The following ZNF76 variants were observed in gnomAD, a reference collection of about 807,000 sequenced individuals.
ZNF76 encodes zinc finger protein 76, also known as zinc finger protein 523.
In ZNF76, 66 loss-of-function variants were observed where a neutral mutation model predicts 66.9. The observed-to-expected ratio is 0.99, with a 90% confidence interval of 0.81 to 1.21. The LOEUF (loss-of-function observed/expected upper bound fraction) is 1.21. ZNF76 is among the 50% of genes most tolerant of loss of function. The pLI, the probability that ZNF76 is intolerant of heterozygous loss-of-function variation, is 0.00. For missense variants in ZNF76, 729 were observed against 760.3 expected (o/e 0.96, Z 0.48); for synonymous variants, 275 against 296.1 (o/e 0.93, Z 0.73).
At chr6:35,290,107 C>T (rs1790143835) in intron 5 of ZNF76, 159 bp from the exon 6 acceptor site, 1 of 938,110 alleles carries the variant, frequency 1.1e-6, no homozygotes, top group Non-Finnish European at 1.6e-6. Flanking sequence ...TAGCATGCCC[C>T]AGCATCTGTT....
chr6:35,262,154 G>C (rs1054696966), intron 1 of ZNF76, among the ~76,000 whole-genome samples: 1 of 152,060 alleles, frequency 6.6e-6, no homozygotes, highest in African/African-American at 2.4e-5. Flanking sequence ...AATAAACTGG[G>C]AGAAACTTAG....
In ZNF76 at chr6:35,290,838, G is replaced by C. The variant is rs966535186; in HGVS notation, c.625+122G>C. The C allele has an allele frequency of 5.5e-6, 5 of 914,612 alleles. No homozygotes were observed. The African/African-American group carries it at 8.3e-5, about 15-fold the overall frequency. The allele number at this position is 914,612 out of a possible 1,614,324, so 56.7% of individuals were successfully genotyped here. On this transcript the variant is annotated intron_variant, in intron 7 of 13. Transcript: ENST00000373953. ...GGAGAAACTACCGTCAGAGTACTCT[G>C]ACTTGCAGGGTGCTCTCTCTGGAGG...
At chr6:35,289,519 G>C (rs1413874259) in intron 5 of ZNF76, among the ~76,000 whole-genome samples, 1 of 152,178 alleles carries the variant, frequency 6.6e-6, no homozygotes, top group African/African-American at 2.4e-5. Context: ...AAGCATTCTA[G>C]AAAGAAAGAC....
chr6:35,283,542 A>G (rs535749364), intron 2 of ZNF76, among the ~76,000 whole-genome samples: 1 of 152,348 alleles, frequency 6.6e-6, no homozygotes, highest in South Asian at 2.1e-4. Flanking sequence ...ACTGGGGCGT[A>G]TGGTCACCTC....
chr6:35,283,305 G>A lies in ZNF76; in HGVS notation c.73+2081G>A, dbSNP rs559967676. Among the ~76,000 whole-genome samples the A allele has an allele frequency of 5.3e-5, 8 of 152,210 alleles. No individual in the cohort carries two copies. In the South Asian group the frequency reaches 1.0e-3, roughly 20 times the overall value. On this transcript the variant is annotated intron_variant, in intron 2 of 13. Transcript: ENST00000373953. The stretch of plus-strand genomic sequence containing the variant: ...CACAACAGATTTTCCCTCTGCTCAG[G>A]GTAGAGCTCTCCTTCAGAGACCAGA...
chr6:35,273,202 C>T (rs1381407349), intron 1 of ZNF76, among the ~76,000 whole-genome samples: 1 of 151,324 alleles, frequency 6.6e-6, no homozygotes, highest in African/African-American at 2.4e-5. Flanking sequence ...GAGTCTCACT[C>T]TGTTGCCCAG....
rs763907756 is a variant in ZNF76 at position 35,292,837 on chromosome 6, A to G, written c.1166-44A>G. Reference sequence around the variant, plus strand: ...GAGTGGGGACAAGCCAGGCCTCCCCATGGCATCTGGTAGCAGATGTCAGCC... The same window carrying G: ...GAGTGGGGACAAGCCAGGCCTCCCCGTGGCATCTGGTAGCAGATGTCAGCC... On this transcript the variant is annotated intron_variant, in intron 10 of 13. Coordinates refer to ENST00000373953, the MANE Select transcript of ZNF76 (RefSeq NM_003427.5). This position sits in a 1 kb window ranked among gnomAD's most constrained non-coding sequence, Gnocchi z 4.7. 2.5e-6 allele frequency: 4 copies of G among 1,613,688 alleles called. No homozygotes were observed. Among genetic ancestry groups the G allele is most frequent in the South Asian group, 1.1e-5 (1 of 91,066 alleles).
intron 1 of ZNF76, among the ~76,000 whole-genome samples, chr6:35,260,169 T>C (rs1424808726): frequency 6.6e-6 from 1 of 152,140 alleles, no homozygotes; most frequent in Non-Finnish European, 1.5e-5. Context: ...CCCAGGAATT[T>C]CCCCAGCACT....
chr6:35,267,406 A>G (rs1786311744), intron 1 of ZNF76, among the ~76,000 whole-genome samples: 1 of 152,168 alleles, frequency 6.6e-6, no homozygotes, highest in Admixed American at 6.5e-5. Context: ...CAAAATGACC[A>G]CTTTAGACTA....
chr6:35,283,300 C>G (rs2150363140), intron 2 of ZNF76, among the ~76,000 whole-genome samples: 1 of 152,358 alleles, frequency 6.6e-6, no homozygotes, highest in African/African-American at 2.4e-5. Context: ...TTTCCCTCTG[C>G]TCAGGGTAGA....
chr6:35,263,024 C>G (rs1395944909), intron 1 of ZNF76, among the ~76,000 whole-genome samples: 1 of 152,206 alleles, frequency 6.6e-6, no homozygotes, highest in Admixed American at 6.6e-5. Context: ...CATCTCAGGT[C>G]TGCTCCTTTC....
intron 5 of ZNF76, among the ~76,000 whole-genome samples, chr6:35,288,615 A>G (rs1016449824): frequency 6.6e-6 from 1 of 152,236 alleles, no homozygotes; most frequent in Non-Finnish European, 1.5e-5. Context: ...TAATGAAACC[A>G]GTGTGACTGA....
chr6:35,284,868 A>C (rs1433959755), intron 2 of ZNF76, among the ~76,000 whole-genome samples: 1 of 151,256 alleles, frequency 6.6e-6, no homozygotes, highest in African/African-American at 2.4e-5. Flanking sequence ...GCACTACTAC[A>C]TCCAGTTAAT....
chr6:35,291,542 CCCA>C lies in ZNF76; in HGVS notation c.752-12_752-10del, dbSNP rs1790380215. ...CTCTTTCCCACACCCCTCCTCACAT[CCCA>C]CCATTTGCATAGGTGAACGCCCGTT... On this transcript the variant is annotated splice_polypyrimidine_tract_variant and intron_variant, in intron 8 of 13. Coordinates refer to ENST00000373953, the MANE Select transcript of ZNF76 (RefSeq NM_003427.5). 1 of 1,609,714 alleles carries C rather than the reference CCCA, an allele frequency of 6.2e-7. No individual in the cohort carries two copies. The highest frequency in any genetic ancestry group is 8.5e-7 in the Non-Finnish European group (1 of 1,176,296).
intron 12 of ZNF76, 46 bp from the exon 13 acceptor site, chr6:35,294,410 G>A (rs966303259): frequency 1.6e-6 from 2 of 1,269,242 alleles, no homozygotes; most frequent in Non-Finnish European, 2.3e-6. Flanking sequence ...TGTGGGGAGG[G>A]AGAGTATACT....
rs185585187 is a variant in ZNF76, at chr6:35,273,943, G to T, written c.-96-7113G>T. On this transcript the variant is annotated intron_variant, in intron 1 of 13. Coordinates refer to ENST00000373953, the MANE Select transcript of ZNF76 (RefSeq NM_003427.5). ...CTGTTTAAAACTTATGTTAGTGCAAGTTTGTGTTACTAATTTCCTGTTTTC... is the reference window on the plus strand; with the variant it reads ...CTGTTTAAAACTTATGTTAGTGCAATTTTGTGTTACTAATTTCCTGTTTTC... Among the ~76,000 whole-genome samples the T allele has an allele frequency of 2.0e-5, 3 of 152,300 alleles. No individual in the cohort carries two copies. The East Asian group carries it at 5.8e-4, about 29-fold the overall frequency.
intron 9 of ZNF76, 107 bp downstream of exon 9, chr6:35,291,844 T>C: frequency 7.3e-7 from 1 of 1,364,020 alleles, no homozygotes; most frequent in Non-Finnish European, 1.0e-6. Context: ...AACCCTTCTG[T>C]GCCAGCCATT....
Position 35,292,114 on chromosome 6 carries a change from C to T in ZNF76, c.931+377C>T. 1 of 415,192 alleles carries T rather than the reference C, an allele frequency of 2.4e-6. No homozygotes were observed. Among genetic ancestry groups the T allele is most frequent in the South Asian group, 2.5e-5 (1 of 40,560 alleles). The allele number at this position is 415,192 out of a possible 1,614,324, so 25.7% of individuals were successfully genotyped here. On this transcript the variant is annotated intron_variant, in intron 9 of 13. Coordinates refer to ENST00000373953, the MANE Select transcript of ZNF76 (RefSeq NM_003427.5). The surrounding 1 kb of genome is among the most constrained non-coding windows in gnomAD (Gnocchi z 4.7). ...CTCACCTTATCCGCCGTCCATGACT[C>T]CTGTGTATCCTCACCCTCCCCAGTG...
intron 1 of ZNF76, among the ~76,000 whole-genome samples, chr6:35,270,812 C>A (rs1251579752): frequency 6.6e-6 from 1 of 152,122 alleles, no homozygotes; most frequent in East Asian, 1.9e-4. Context: ...CTGCTTCAGC[C>A]TCCCAAAGTG....
Sources: allele counts gnomAD v4.1 joint callset (sites outside exome capture counted in the v4.1 genomes callset), GRCh38; gene constraint gnomAD v4.1.1; non-coding constraint Gnocchi (gnomAD v3.1); transcripts MANE v1.5; gene names NCBI Gene and HGNC (gene_info 2026-07-23, HGNC 2026-07-21).